Variants in PPP3CA observed in about 807,000 individuals in gnomAD.
The protein encoded by PPP3CA is protein phosphatase 3 catalytic subunit alpha.
PPP3CA carries 14 observed loss-of-function variants against 66.5 expected under a neutral mutation model. The observed-to-expected ratio is 0.21, with a 90% confidence interval of 0.14 to 0.33. The LOEUF is 0.33. PPP3CA is among the 10% of genes least tolerant of loss of function. The probability of loss-of-function intolerance (pLI) is 1.00; values close to 1 mark genes in which losing one functional copy is unlikely to be tolerated. For synonymous variants in PPP3CA, 232 were observed against 226.2 expected (o/e 1.03, Z -0.23); for missense variants, 317 against 639.5 (o/e 0.50, Z 5.44).
At chr4:101,261,854 C>G (rs1727018881) in intron 1 of PPP3CA, among the ~76,000 whole-genome samples, 1 of 151,670 alleles carries the variant, frequency 6.6e-6, no homozygotes, top group South Asian at 2.1e-4. Flanking sequence ...CTTCCCCTCT[C>G]CCCCCACCCA....
At chr4:101,204,164 C>A (rs567442478) in intron 1 of PPP3CA, among the ~76,000 whole-genome samples, 6 of 152,150 alleles carry the variant, frequency 3.9e-5, no homozygotes, top group African/African-American at 1.2e-4. Context: ...TGCCACCACA[C>A]CTGACTAATT....
At chr4:101,080,223 T>C (rs974408286) in intron 8 of PPP3CA, among the ~76,000 whole-genome samples, 1 of 152,216 alleles carries the variant, frequency 6.6e-6, no homozygotes, top group Non-Finnish European at 1.5e-5. Flanking sequence ...TTAAGAAGCA[T>C]GATTTTGGAT....
At chr4:101,074,144 A>G (rs1729043015) in intron 8 of PPP3CA, among the ~76,000 whole-genome samples, 1 of 152,232 alleles carries the variant, frequency 6.6e-6, no homozygotes, top group African/African-American at 2.4e-5. Context: ...GCTTAAGACA[A>G]GCCTCAGGCT....
chr4:101,037,371 A>T (rs1258359312), intron 11 of PPP3CA, among the ~76,000 whole-genome samples: 1 of 152,248 alleles, frequency 6.6e-6, no homozygotes, highest in Non-Finnish European at 1.5e-5. Flanking sequence ...GACTGCTGAA[A>T]GACAGTTTTC....
intron 10 of PPP3CA, among the ~76,000 whole-genome samples, chr4:101,043,557 T>TAA (rs397973945): frequency 0.066 from 9,256 of 139,254 alleles, 321 homozygotes; most frequent in African/African-American, 0.096. Flanking sequence ...TTTTCTTAAT[T>TAA]AAAAAAAAAA....
At chr4:101,136,070 A>T (rs1578482870) in intron 2 of PPP3CA, among the ~76,000 whole-genome samples, 1 of 152,214 alleles carries the variant, frequency 6.6e-6, no homozygotes, top group East Asian at 1.9e-4. Context: ...ACTGATTATA[A>T]GACATATGAT....
At chr4:101,172,854 T>C (rs1723930439) in intron 2 of PPP3CA, among the ~76,000 whole-genome samples, 1 of 152,200 alleles carries the variant, frequency 6.6e-6, no homozygotes, top group South Asian at 2.1e-4. Context: ...TATTTTTTAA[T>C]GATCCTGTAA....
chr4:101,038,172 C>T (rs1727336953), intron 11 of PPP3CA, among the ~76,000 whole-genome samples: 1 of 152,134 alleles, frequency 6.6e-6, no homozygotes, highest in Admixed American at 6.5e-5. Flanking sequence ...GATTGTGTGG[C>T]TGTGCTCCTG....
intron 1 of PPP3CA, among the ~76,000 whole-genome samples, chr4:101,298,678 A>T (rs1728271773): frequency 6.6e-6 from 1 of 152,196 alleles, no homozygotes; most frequent in Admixed American, 6.5e-5. Context: ...TATAATACAT[A>T]TAACATACAC....
At chr4:101,258,625 T>C (rs3804417) in intron 1 of PPP3CA, among the ~76,000 whole-genome samples, 99,171 of 151,918 alleles carry the variant, frequency 0.65, 33,484 homozygotes, top group Non-Finnish European at 0.75. Context: ...TTCTCTTTCT[T>C]GTTTACCTAC....
Position 101,039,909 on chromosome 4 carries a change from G to C in PPP3CA, c.1241+573C>G, listed in dbSNP as rs540780880. 4.1e-4 allele frequency among the ~76,000 whole-genome samples: 59 copies of C among 143,640 alleles called. 6 individuals carry two copies. Among genetic ancestry groups the C allele is most frequent in the Middle Eastern group, 7.4e-3 (2 of 270 alleles). 94.2% of individuals were successfully genotyped at this position (143,640 alleles called of 152,430 possible). A position where few individuals can be genotyped will look rare whatever the true frequency, so the allele number is the denominator to read the frequency against. On this transcript the variant is annotated intron_variant, in intron 11 of 13. Transcript: ENST00000394854. Reference sequence around the variant, plus strand: ...GAGAAATGTTACATTGTATTATTTAGAAATAACTGGAGTTTCCTTCAAGAA... The same window carrying C: ...GAGAAATGTTACATTGTATTATTTACAAATAACTGGAGTTTCCTTCAAGAA...
At chr4:101,250,324 C>T in intron 1 of PPP3CA, 1 of 456,280 alleles carries the variant, frequency 2.2e-6, no homozygotes, top group Non-Finnish European at 4.4e-6. Context: ...CTGTTTTATA[C>T]TGTACCTGTG....
At chr4:101,224,459 G>A (rs1305910301) in intron 1 of PPP3CA, among the ~76,000 whole-genome samples, 1 of 151,660 alleles carries the variant, frequency 6.6e-6, no homozygotes, top group East Asian at 1.9e-4. Flanking sequence ...TTATTAGTCT[G>A]AAAATCTCCT....
In PPP3CA at chr4:101,197,453, A is replaced by T. The variant is rs558327654; in HGVS notation, c.59-1337T>A. Among the ~76,000 whole-genome samples the T allele has an allele frequency of 2.0e-5, 3 of 152,324 alleles. No individual in the cohort carries two copies. The South Asian group carries it at 6.2e-4, about 32-fold the overall frequency. On this transcript the variant is annotated intron_variant, in intron 1 of 13. Coordinates refer to ENST00000394854, the MANE Select transcript of PPP3CA (RefSeq NM_000944.5). Reference sequence around the variant, plus strand: ...GTCTTGGCAGATTTGGTGGCTGAGCAGGAGGCTTTTGTGGTCAGACAAACC... The same window carrying T: ...GTCTTGGCAGATTTGGTGGCTGAGCTGGAGGCTTTTGTGGTCAGACAAACC...
rs1450593499 is a variant in PPP3CA, at chr4:101,024,926, A to G, written c.*939T>C. The G allele has an allele frequency of 6.6e-6, 1 of 151,780 alleles. No homozygotes were observed. Among genetic ancestry groups the G allele is most frequent in the Non-Finnish European group, 1.5e-5 (1 of 67,982 alleles). 9.4% of individuals were successfully genotyped at this position (151,780 alleles called of 1,614,324 possible). A position where few individuals can be genotyped will look rare whatever the true frequency, so the allele number is the denominator to read the frequency against. ...CCGATACAGCCATTTTTTTTTTCTT[A>G]AAAAACATGCATAGGCAGATTTTTT... On this transcript the variant is annotated 3_prime_UTR_variant, in exon 14 of 14. Transcript: ENST00000394854.
intron 11 of PPP3CA, among the ~76,000 whole-genome samples, chr4:101,033,129 T>C (rs1205194993): frequency 6.6e-6 from 1 of 152,110 alleles, no homozygotes; most frequent in Non-Finnish European, 1.5e-5. Flanking sequence ...CATAATTAAA[T>C]AACCATGACT....
intron 1 of PPP3CA, among the ~76,000 whole-genome samples, chr4:101,318,465 AG>A (rs1361405494): frequency 6.6e-6 from 1 of 152,226 alleles, no homozygotes; most frequent in African/African-American, 2.4e-5. Context: ...TGATGTGCTT[AG>A]ATTTCAGCCA....
At chr4:101,309,132 A>G (rs926610564) in intron 1 of PPP3CA, among the ~76,000 whole-genome samples, 3 of 152,130 alleles carry the variant, frequency 2.0e-5, no homozygotes, top group African/African-American at 7.2e-5. Context: ...TCTCAAAAAC[A>G]ATAATAATAA....
intron 1 of PPP3CA, among the ~76,000 whole-genome samples, chr4:101,285,844 T>C (rs1727830756): frequency 1.3e-5 from 2 of 152,094 alleles, no homozygotes; most frequent in African/African-American, 2.4e-5. Flanking sequence ...AGACCAAGAC[T>C]TTGCAGTCAT....
Sources: gnomAD v4.1 joint callset for allele counts (sites outside exome capture counted in the v4.1 genomes callset) on GRCh38, gnomAD v4.1.1 for gene constraint, MANE v1.5 for transcripts, NCBI Gene and HGNC (gene_info 2026-07-23, HGNC 2026-07-21) for gene names.